Variants in GASK1A observed in about 807,000 individuals in gnomAD.
GASK1A encodes golgi associated kinase 1A, also known as Golgi-associated kinase 1A.
Under a neutral mutation model 41.2 loss-of-function variants are expected in GASK1A, and 40 were observed. The ratio of observed to expected loss-of-function variants is 0.97; its 90% CI spans 0.75 to 1.27. The LOEUF (loss-of-function observed/expected upper bound fraction) is 1.27. GASK1A is among the 50% of genes most tolerant of loss of function. GASK1A has a pLI of 0.00. For synonymous variants in GASK1A, 316 were observed against 307.1 expected (o/e 1.03, Z -0.30); for missense variants, 678 against 745.1 (o/e 0.91, Z 1.05).
chr3:43,029,940 C>T (rs1168396470), intron 1 of GASK1A, among the ~76,000 whole-genome samples: 2 of 152,180 alleles, frequency 1.3e-5, no homozygotes, highest in African/African-American at 4.8e-5. Context: ...TCCTCCAGGC[C>T]ATGCCGTTGG....
In GASK1A at chr3:43,012,903, G is replaced by T. The variant is rs1295133952; in HGVS notation, c.4-19364G>T. 2.7e-5 allele frequency among the ~76,000 whole-genome samples: 4 copies of T among 148,940 alleles called. No homozygotes were observed. In the East Asian group the frequency reaches 8.2e-4, roughly 30 times the overall value. On this transcript the variant is annotated intron_variant, in intron 1 of 4. Coordinates refer to ENST00000430121, the MANE Select transcript of GASK1A (RefSeq NM_001129908.3). ...AAGGGGCTATGTGAAGTCAGAGAAA[G>T]GGGGGTTGTGTGAGGCCACAGGAAG...
At chr3:42,990,777 G>C (rs935097583) in intron 1 of GASK1A, among the ~76,000 whole-genome samples, 1 of 152,178 alleles carries the variant, frequency 6.6e-6, no homozygotes, top group African/African-American at 2.4e-5. Flanking sequence ...CTGCAGGCCA[G>C]GTGTGTTGCT....
rs1260656552 is a variant in GASK1A, at chr3:43,056,171, T to C, written c.1518-5T>C. The C allele has an allele frequency of 1.3e-6, 2 of 1,548,022 alleles. No homozygotes were observed. Among genetic ancestry groups the C allele is most frequent in the Non-Finnish European group, 1.7e-6 (2 of 1,144,422 alleles). ...TGTTACGGGGCTCTGGGGCCTTTGC[T>C]CCAGGTTTCCTGAGTCTGCCGTGAA... On this transcript the variant is annotated splice_polypyrimidine_tract_variant and splice_region_variant and intron_variant, in intron 4 of 4. Coordinates refer to ENST00000430121, the MANE Select transcript of GASK1A (RefSeq NM_001129908.3).
At chr3:42,993,669 G>T (rs6793871) in intron 1 of GASK1A, among the ~76,000 whole-genome samples, 61,837 of 151,864 alleles carry the variant, frequency 0.41, 12,829 homozygotes, top group Middle Eastern at 0.46. Flanking sequence ...GTGTCTGGGG[G>T]AGTGACAGAA....
At chr3:42,998,543 A>G (rs1482843582) in intron 1 of GASK1A, among the ~76,000 whole-genome samples, 1 of 152,168 alleles carries the variant, frequency 6.6e-6, no homozygotes, top group African/African-American at 2.4e-5. Flanking sequence ...CACTCATATC[A>G]ACCCTAGGAG....
intron 2 of GASK1A, 51 bp downstream of exon 2, chr3:43,033,604 T>G: frequency 6.9e-7 from 1 of 1,448,896 alleles, no homozygotes. Context: ...TAGGGGGTTC[T>G]GGGTGGAGAG....
At chr3:43,037,230 G>T in intron 2 of GASK1A, 1 of 1,103,318 alleles carries the variant, frequency 9.1e-7, no homozygotes, top group East Asian at 2.4e-5. Flanking sequence ...TATGTCTTCA[G>T]ACAGGTCCCT....
intron 1 of GASK1A, among the ~76,000 whole-genome samples, chr3:43,002,497 G>A (rs541062105): frequency 2.6e-5 from 4 of 152,106 alleles, no homozygotes; most frequent in African/African-American, 9.7e-5. Flanking sequence ...CAAGCATTCT[G>A]TGGGCTCCTG....
At chr3:42,981,974 T>C (rs979723718) in intron 1 of GASK1A, among the ~76,000 whole-genome samples, 1 of 152,194 alleles carries the variant, frequency 6.6e-6, no homozygotes, top group African/African-American at 2.4e-5. Context: ...CATCCTATTA[T>C]TGATCCAAGA....
At chr3:43,020,358 A>G (rs1348402162) in intron 1 of GASK1A, among the ~76,000 whole-genome samples, 3 of 152,196 alleles carry the variant, frequency 2.0e-5, no homozygotes, top group African/African-American at 4.8e-5. Context: ...AAAGACCTCC[A>G]TTTGACAGAA....
intron 1 of GASK1A, 93 bp downstream of exon 1, chr3:42,979,738 C>A: frequency 8.3e-7 from 1 of 1,204,530 alleles, no homozygotes; most frequent in Non-Finnish European, 1.1e-6. Context: ...AGGGCGCGCG[C>A]AGCCTGCGCG....
chr3:43,040,257 AACT>A (rs2089629643), intron 2 of GASK1A, among the ~76,000 whole-genome samples: 4 of 122,054 alleles, frequency 3.3e-5, no homozygotes, highest in Non-Finnish European at 7.2e-5. Flanking sequence ...TCTTTCCCTC[AACT>A]TGAAAGGCTA....
chr3:43,015,936 A>AAAGCCACAGGAAGGGTCTGTGTG (rs568673073), intron 1 of GASK1A, among the ~76,000 whole-genome samples: 1 of 140,468 alleles, frequency 7.1e-6, no homozygotes, highest in Non-Finnish European at 1.6e-5. Context: ...GGGGCAGTGT[A>AAAGCCACAGGAAGGGTCTGTGTG]AAGCCACAGG....
intron 1 of GASK1A, among the ~76,000 whole-genome samples, chr3:43,000,093 G>T (rs1273631546): frequency 6.6e-6 from 1 of 152,114 alleles, no homozygotes; most frequent in Admixed American, 6.5e-5. Flanking sequence ...AGAGATTAGG[G>T]CCTGGACGTC....
chr3:43,010,845 C>T (rs2125679474), intron 1 of GASK1A, among the ~76,000 whole-genome samples: 1 of 152,232 alleles, frequency 6.6e-6, no homozygotes, highest in East Asian at 1.9e-4. Context: ...GCAGCAGAAC[C>T]TGGGCAGACA....
chr3:43,010,745 C>A (rs575270199), intron 1 of GASK1A, among the ~76,000 whole-genome samples: 7 of 152,230 alleles, frequency 4.6e-5, no homozygotes, highest in Non-Finnish European at 7.3e-5. Flanking sequence ...CATTCCTTCC[C>A]CAGCACTAGC....
At chr3:43,035,346 A>G (rs756690007) in intron 2 of GASK1A, among the ~76,000 whole-genome samples, 1 of 152,068 alleles carries the variant, frequency 6.6e-6, no homozygotes, top group Non-Finnish European at 1.5e-5. Flanking sequence ...GCAGGTTGGG[A>G]AGGAGGGGTT....
At chr3:43,039,200 T>G (rs1180686306) in intron 2 of GASK1A, among the ~76,000 whole-genome samples, 1 of 146,506 alleles carries the variant, frequency 6.8e-6, no homozygotes, top group East Asian at 2.0e-4. Context: ...TAGTTTTTTT[T>G]TTTGGTTTTT....
intron 1 of GASK1A, among the ~76,000 whole-genome samples, chr3:42,994,542 A>G (rs949313680): frequency 6.6e-6 from 1 of 152,024 alleles, no homozygotes; most frequent in African/African-American, 2.4e-5. Context: ...CCATTTCTGG[A>G]GGCCTCCGAT....
Sources: gnomAD v4.1 joint callset for allele counts (sites outside exome capture counted in the v4.1 genomes callset) on GRCh38, gnomAD v4.1.1 for gene constraint, MANE v1.5 for transcripts, NCBI Gene and HGNC (gene_info 2026-07-23, HGNC 2026-07-21) for gene names.